The following ABCC1 variants were observed in gnomAD, a reference collection of about 807,000 sequenced individuals.
ABCC1 encodes multidrug resistance-associated protein 1.
Under a neutral mutation model 172.9 loss-of-function variants are expected in ABCC1, and 83 were observed. The observed-to-expected ratio is 0.48, with a 90% confidence interval of 0.40 to 0.58. ABCC1 has a LOEUF of 0.58. Among genes scored for constraint, ABCC1 ranks in the 20% least tolerant of loss-of-function variants. The pLI, the probability that ABCC1 is intolerant of heterozygous loss-of-function variation, is 0.00. For synonymous variants in ABCC1, 937 were observed against 825.2 expected (o/e 1.14, Z -2.32); for missense variants, 1,817 against 2,002.7 (o/e 0.91, Z 1.77).
At chr16:16,044,721 C>G (rs1475180869) in intron 8 of ABCC1, 41 bp downstream of exon 8, 3 of 1,568,588 alleles carry the variant, frequency 1.9e-6, no homozygotes, top group Non-Finnish European at 2.6e-6. Context: ...ATTTTCCCTC[C>G]TTGGCTTTGA....
chr16:16,002,828 A>G (rs1225635645), intron 1 of ABCC1, among the ~76,000 whole-genome samples: 2 of 152,104 alleles, frequency 1.3e-5, no homozygotes, highest in East Asian at 1.9e-4. Flanking sequence ...AAAGCAAGGT[A>G]TAGAATGGAG....
intron 1 of ABCC1, among the ~76,000 whole-genome samples, chr16:15,968,395 A>G (rs978208238): frequency 6.6e-6 from 1 of 151,842 alleles, no homozygotes; most frequent in Non-Finnish European, 1.5e-5. Flanking sequence ...TCTTCTCCAC[A>G]GATCCTAAAG....
intron 24 of ABCC1, among the ~76,000 whole-genome samples, chr16:16,123,600 C>G (rs2045265618): frequency 6.6e-6 from 1 of 152,044 alleles, no homozygotes; most frequent in Non-Finnish European, 1.5e-5. Context: ...GCACTCCAGC[C>G]TGGGCAACGA....
chr16:15,960,016 C>G (rs2046093000), intron 1 of ABCC1, among the ~76,000 whole-genome samples: 1 of 152,112 alleles, frequency 6.6e-6, no homozygotes, highest in Admixed American at 6.6e-5. Context: ...CTCAGTGTAC[C>G]TTTTACTGGC....
At chr16:16,100,197 G>T (rs2051664549) in intron 19 of ABCC1, among the ~76,000 whole-genome samples, 1 of 152,216 alleles carries the variant, frequency 6.6e-6, no homozygotes, top group South Asian at 2.1e-4. Context: ...CAGCTGCCCA[G>T]TTCGACCTGT....
At position 16,142,554 on chromosome 16, in the gene ABCC1, C is replaced by T. The variant is rs1017431536; in HGVS notation, c.*1273C>T. 2.0e-5 allele frequency: 3 copies of T among 151,952 alleles called. No individual in the cohort carries two copies. Among genetic ancestry groups the T allele is most frequent in the East Asian group, 1.9e-4 (1 of 5,190 alleles). 9.4% of individuals were successfully genotyped at this position (151,952 alleles called of 1,614,324 possible). A position where few individuals can be genotyped will look rare whatever the true frequency, so the allele number is the denominator to read the frequency against. The stretch of plus-strand genomic sequence containing the variant: ...TTGTGGAGAACTTGATATTTAGTTA[C>T]TGATGCTCTTCCAGGACACGAAAAG... On this transcript the variant is annotated 3_prime_UTR_variant, in exon 31 of 31. Coordinates refer to ENST00000399410, the MANE Select transcript of ABCC1 (RefSeq NM_004996.4).
At chr16:16,139,706 A>G (rs554982554) in intron 30 of ABCC1, among the ~76,000 whole-genome samples, 2 of 151,572 alleles carry the variant, frequency 1.3e-5, no homozygotes, top group Non-Finnish European at 2.9e-5. Context: ...TTTTGTGTGG[A>G]GAAAGCCACC....
chr16:16,109,966 T>C (rs2052313152), intron 21 of ABCC1, among the ~76,000 whole-genome samples: 2 of 152,168 alleles, frequency 1.3e-5, no homozygotes, highest in East Asian at 1.9e-4. Flanking sequence ...TCTTGTTCCT[T>C]GCTGCCCCAT....
rs574577583 is a variant in ABCC1, at chr16:16,131,812, A to C, written c.3843A>C (p.Thr1281=). The change falls in exon 27 of 31, where the codon ACA becomes ACC. Residue 1281 remains threonine, a synonymous_variant. Coordinates refer to ENST00000399410, the MANE Select transcript of ABCC1 (RefSeq NM_004996.4). ...EKEAPWQIQE[T]APPSSWPQVG... is the part of the protein sequence containing the mutation. ...AGGCGCCCTGGCAAATCCAGGAGAC[A>C]GCTCCGCCCAGCAGCTGGCCCCAGG... The C allele has an allele frequency of 1.6e-5, 26 of 1,613,986 alleles. No homozygotes were observed. The African/African-American group carries it at 1.9e-4, about 12-fold the overall frequency.
intron 1 of ABCC1, among the ~76,000 whole-genome samples, chr16:15,963,032 A>G (rs1177668764): frequency 1.3e-5 from 2 of 152,264 alleles, no homozygotes; most frequent in African/African-American, 4.8e-5. Context: ...GAAGTTAGTT[A>G]GTTCCTAGAT....
In ABCC1 at chr16:16,091,151, C is replaced by T. The variant is rs1159632786; in HGVS notation, c.2644+563C>T. ...CATAAAGCAGTTCAGCAGGGCCAGA[C>T]GTGGTGGTTCCCAGCACTTGTAATC... On this transcript the variant is annotated intron_variant, in intron 19 of 30. Coordinates refer to ENST00000399410, the MANE Select transcript of ABCC1 (RefSeq NM_004996.4). Among the ~76,000 whole-genome samples, 3 of 152,100 alleles carry T rather than the reference C, an allele frequency of 2.0e-5. No individual in the cohort carries two copies. In the East Asian group the frequency reaches 5.8e-4, roughly 29 times the overall value.
intron 1 of ABCC1, among the ~76,000 whole-genome samples, chr16:15,987,181 T>C (rs1371974341): frequency 6.6e-6 from 1 of 152,010 alleles, no homozygotes; most frequent in Non-Finnish European, 1.5e-5. Context: ...AGAGAGAATG[T>C]GGAGGGATAT....
Position 16,072,398 on chromosome 16 carries a change from C to T in ABCC1, c.1912+669C>T, listed in dbSNP as rs531074469. On this transcript the variant is annotated intron_variant, in intron 14 of 30. Coordinates refer to ENST00000399410, the MANE Select transcript of ABCC1 (RefSeq NM_004996.4). ...CAGGGTTTCACCATGTTGTCCAGGC[C>T]GGTCTCGAACTCCTTAGCTCAAGCA... Among the ~76,000 whole-genome samples the T allele has an allele frequency of 5.3e-5, 8 of 151,718 alleles. No individual in the cohort carries two copies. In the East Asian group the frequency reaches 9.8e-4, roughly 18 times the overall value.
At chr16:16,042,182 T>G (rs755841894) in intron 7 of ABCC1, among the ~76,000 whole-genome samples, 7,919 of 151,630 alleles carry the variant, frequency 0.052, 240 homozygotes, top group Middle Eastern at 0.11. Context: ...AGTTTTTTTT[T>G]TTTTTTTTTT....
chr16:16,033,297 T>C, intron 6 of ABCC1, 127 bp downstream of exon 6: 2 of 896,942 alleles, frequency 2.2e-6, no homozygotes, highest in South Asian at 3.0e-5. Context: ...AGAGTTGTCT[T>C]GAATCTGCCT....
Position 16,003,797 on chromosome 16 carries a change from G to A in ABCC1, c.49-4019G>A, listed in dbSNP as rs866587713. Among the ~76,000 whole-genome samples, 119 of 25,444 alleles carry A rather than the reference G, an allele frequency of 4.7e-3. 3 individuals carry two copies. Among genetic ancestry groups the A allele is most frequent in the Middle Eastern group, 0.02 (1 of 50 alleles). The allele number at this position is 25,444 out of a possible 152,430, so 16.7% of individuals were successfully genotyped here. Reference sequence around the variant, plus strand: ...GATGGATGGATGAACTGGTGGGTGGGTGGATGGATGGATGGGTGAATGAAT... The same window carrying A: ...GATGGATGGATGAACTGGTGGGTGGATGGATGGATGGATGGGTGAATGAAT... On this transcript the variant is annotated intron_variant, in intron 1 of 30. Coordinates refer to ENST00000399410, the MANE Select transcript of ABCC1 (RefSeq NM_004996.4).
In ABCC1 at chr16:16,003,357, G is replaced by C. The variant is rs55889069; in HGVS notation, c.49-4459G>C. ...GGATGAATTGGTGGATGGGTAGGTG[G>C]ATGGATGAATGAACTGGTGGGTTGC... On this transcript the variant is annotated intron_variant, in intron 1 of 30. Coordinates refer to ENST00000399410, the MANE Select transcript of ABCC1 (RefSeq NM_004996.4). Among the ~76,000 whole-genome samples the C allele has an allele frequency of 9.4e-4, 38 of 40,640 alleles. 2 individuals are homozygous for C. Among genetic ancestry groups the C allele is most frequent in the African/African-American group, 2.1e-3 (22 of 10,516 alleles). 26.7% of individuals were successfully genotyped at this position (40,640 alleles called of 152,430 possible).
intron 1 of ABCC1, among the ~76,000 whole-genome samples, chr16:15,954,023 T>C (rs1274714841): frequency 4.7e-5 from 7 of 149,082 alleles, no homozygotes; most frequent in Non-Finnish European, 1.0e-4. Flanking sequence ...TTTTTTTTTT[T>C]TTGAGATGGT....
chr16:16,094,379 G>A, intron 19 of ABCC1: 1 of 233,374 alleles, frequency 4.3e-6, no homozygotes, highest in South Asian at 5.8e-5. Context: ...TCTTGGCCTG[G>A]GTACATCTAC....
Sources: gnomAD v4.1 joint callset for allele counts (sites outside exome capture counted in the v4.1 genomes callset) on GRCh38, gnomAD v4.1.1 for gene constraint, MANE v1.5 for transcripts, NCBI Gene and HGNC (gene_info 2026-07-23, HGNC 2026-07-21) for gene names.